The following TUBGCP5 variants were observed in gnomAD, a reference collection of about 807,000 sequenced individuals.
TUBGCP5 encodes gamma-tubulin complex component 5.
TUBGCP5 carries 98 observed loss-of-function variants against 134.7 expected under a neutral mutation model. The ratio of observed to expected loss-of-function variants is 0.73; its 90% CI spans 0.62 to 0.86. The LOEUF (loss-of-function observed/expected upper bound fraction) is 0.86, where lower values mean the gene tolerates loss of function less well. Ranked by LOEUF, TUBGCP5 falls within the 40% of genes least tolerant of loss-of-function variation. TUBGCP5 has a pLI of 0.00. For missense variants in TUBGCP5, 1,150 were observed against 1,244.8 expected, an observed-to-expected ratio of 0.92 and a Z score of 1.15; for synonymous variants, 456 against 431.4, an observed-to-expected ratio of 1.06 and a Z score of -0.71.
downstream of TUBGCP5, among the ~76,000 whole-genome samples, chr15:22,997,180 C>CA (rs1471097760): frequency 6.8e-6 from 1 of 146,322 alleles, no homozygotes; most frequent in East Asian, 2.0e-4. Flanking sequence ...CCAATAATTC[C>CA]TTTTTTTTTT....
intron 23 of TUBGCP5, among the ~76,000 whole-genome samples, chr15:22,991,951 C>T (rs1011384774): frequency 6.6e-6 from 1 of 152,256 alleles, no homozygotes; most frequent in East Asian, 1.9e-4. Flanking sequence ...GGGTCTTGAG[C>T]ACCGTCTGGT....
At chr15:22,988,260 C>T (rs988075550) in intron 23 of TUBGCP5, among the ~76,000 whole-genome samples, 1 of 151,788 alleles carries the variant, frequency 6.6e-6, no homozygotes, top group Admixed American at 6.6e-5. Context: ...TGAGAGCAGA[C>T]CCAGAAAAAG....
At chr15:22,991,410 T>C (rs1261572742) in intron 23 of TUBGCP5, among the ~76,000 whole-genome samples, 1 of 152,202 alleles carries the variant, frequency 6.6e-6, no homozygotes, top group Non-Finnish European at 1.5e-5. Context: ...TACTCTTTCT[T>C]AACTTAATGA....
chr15:23,012,228 C>T lies in TUBGCP5; in HGVS notation c.1757-897G>A, dbSNP rs1323239232. Among the ~76,000 whole-genome samples, 3 of 151,264 alleles carry T rather than the reference C, an allele frequency of 2.0e-5. No homozygotes were observed. In the East Asian group the frequency reaches 5.9e-4, roughly 30 times the overall value. On this transcript the variant is annotated intron_variant, in intron 13 of 22. Coordinates refer to ENST00000615383, the MANE Select transcript of TUBGCP5 (RefSeq NM_052903.6). ...GGAGTCGCAGTCTCATTGGAAAAAACACTTCTGACAGTGGCCCTGGGAAGC... is the reference window on the plus strand; with the variant it reads ...GGAGTCGCAGTCTCATTGGAAAAAATACTTCTGACAGTGGCCCTGGGAAGC...
chr15:23,026,316 A>C, intron 7 of TUBGCP5, 111 bp from the exon 8 acceptor site: 1 of 880,406 alleles, frequency 1.1e-6, no homozygotes, highest in Non-Finnish European at 1.9e-6. Flanking sequence ...TCAACTAACA[A>C]GTATACATAA....
At chr15:22,985,373 C>G (rs2063648743) in intron 23 of TUBGCP5, among the ~76,000 whole-genome samples, 1 of 151,994 alleles carries the variant, frequency 6.6e-6, no homozygotes, top group Admixed American at 6.5e-5. Flanking sequence ...CATGCGCCAC[C>G]ACTCCTGGCT....
intron 16 of TUBGCP5, among the ~76,000 whole-genome samples, chr15:23,006,880 A>C (rs1328511944): frequency 3.3e-5 from 5 of 152,184 alleles, no homozygotes; most frequent in African/African-American, 9.7e-5. Context: ...TGGACATGAA[A>C]ATGTCCAAGT....
At chr15:23,020,443 G>A (rs1318997007) in intron 11 of TUBGCP5, among the ~76,000 whole-genome samples, 7 of 151,686 alleles carry the variant, frequency 4.6e-5, no homozygotes, top group South Asian at 2.1e-4. Context: ...AAAATTAGCC[G>A]GGCATGGTGA....
chr15:23,012,349 G>A (rs1321981230), intron 13 of TUBGCP5, among the ~76,000 whole-genome samples: 1 of 152,016 alleles, frequency 6.6e-6, no homozygotes, highest in Non-Finnish European at 1.5e-5. Context: ...ATAACATTGA[G>A]ATGATTGAGA....
chr15:23,029,773 C>T (rs1279803490), intron 6 of TUBGCP5, among the ~76,000 whole-genome samples: 4 of 151,702 alleles, frequency 2.6e-5, no homozygotes, highest in African/African-American at 7.3e-5. Flanking sequence ...CCCAGCTACT[C>T]GGGAAACTGA....
At chr15:23,029,325 G>A (rs1263550333) in intron 6 of TUBGCP5, among the ~76,000 whole-genome samples, 1 of 152,110 alleles carries the variant, frequency 6.6e-6, no homozygotes, top group Non-Finnish European at 1.5e-5. Context: ...GGGTTCAAGC[G>A]ATTCTTCTGC....
intron 11 of TUBGCP5, 45 bp from the exon 12 acceptor site, chr15:23,019,379 C>A (rs2065531600): frequency 7.6e-7 from 1 of 1,322,346 alleles, no homozygotes; most frequent in South Asian, 1.2e-5. Flanking sequence ...GTTCCCTGGT[C>A]ACTAGGATAA....
chr15:23,029,822 AGTGAG>A (rs1173229418), intron 6 of TUBGCP5, among the ~76,000 whole-genome samples: 1 of 150,922 alleles, frequency 6.6e-6, no homozygotes, highest in East Asian at 2.0e-4. Flanking sequence ...TGGAGTTTGC[AGTGAG>A]GTGAGATCAT....
At chr15:22,993,527 T>TG (rs2063927529) in intron 23 of TUBGCP5, among the ~76,000 whole-genome samples, 11 of 68,816 alleles carry the variant, frequency 1.6e-4, no homozygotes, top group African/African-American at 1.5e-3. Flanking sequence ...CCCCCGAAGT[T>TG]TTTTTTTTTT....
intron 23 of TUBGCP5, among the ~76,000 whole-genome samples, chr15:22,990,846 A>G (rs1054332661): frequency 6.6e-6 from 1 of 152,204 alleles, no homozygotes. Flanking sequence ...ACAGACCCAG[A>G]AAGAGGCAGT....
intron 12 of TUBGCP5, 34 bp from the exon 13 acceptor site, chr15:23,018,075 T>C (rs372512187): frequency 2.9e-5 from 45 of 1,560,076 alleles, no homozygotes; most frequent in Non-Finnish European, 3.9e-5. Flanking sequence ...AAACTCTTAT[T>C]TCTCTTTCTT....
intron 13 of TUBGCP5, among the ~76,000 whole-genome samples, chr15:23,016,969 G>GATATGTGTATATATATATATAT (rs1555439436): frequency 4.6e-5 from 5 of 109,388 alleles, no homozygotes; most frequent in African/African-American, 1.8e-4. Flanking sequence ...AAAATTGTGA[G>GATATGTGTATATATATATATAT]ATATATATAT....
At chr15:22,996,019 A>G (rs142889219), downstream of TUBGCP5, among the ~76,000 whole-genome samples, 5 of 152,198 alleles carry the variant, frequency 3.3e-5, no homozygotes, top group East Asian at 9.6e-4. Context: ...TGATCCATCT[A>G]CCTCTTCACC....
intron 18 of TUBGCP5, 187 bp downstream of exon 18, chr15:23,005,865 G>C (rs894732165): frequency 8.8e-6 from 6 of 680,300 alleles, no homozygotes; most frequent in South Asian, 4.3e-5. Context: ...TCAGGCATTT[G>C]ATGTCCATAA....
Sources: gnomAD v4.1 joint callset for allele counts (sites outside exome capture counted in the v4.1 genomes callset) on GRCh38, gnomAD v4.1.1 for gene constraint, MANE v1.5 for transcripts, NCBI Gene and HGNC (gene_info 2026-07-23, HGNC 2026-07-21) for gene names.